The following RNF7 variants were observed in gnomAD, a reference collection of about 807,000 sequenced individuals.
The protein encoded by RNF7 is RING-box protein 2.
RNF7 carries 9 observed loss-of-function variants against 17.0 expected under a neutral mutation model. That is an observed-to-expected ratio of 0.53 (90% CI 0.32 to 0.92). The LOEUF (loss-of-function observed/expected upper bound fraction) is 0.92, where lower values mean the gene tolerates loss of function less well. Ranked by LOEUF, RNF7 falls within the 40% of genes least tolerant of loss-of-function variation. The pLI, the probability that RNF7 is intolerant of heterozygous loss-of-function variation, is 0.04. For missense variants in RNF7, 87 were observed against 145.8 expected (o/e 0.60, Z 2.08); for synonymous variants, 59 against 50.5 (o/e 1.17, Z -0.72).
intron 1 of RNF7, among the ~76,000 whole-genome samples, chr3:141,739,021 T>C (rs1306538155): frequency 6.6e-6 from 1 of 152,206 alleles, no homozygotes; most frequent in African/African-American, 2.4e-5. Context: ...ACGACACCCT[T>C]AGTTCTCCTC....
chr3:141,740,716 T>G (rs2084407407), intron 1 of RNF7, among the ~76,000 whole-genome samples: 1 of 152,210 alleles, frequency 6.6e-6, no homozygotes, highest in South Asian at 2.1e-4. Context: ...TTTTAGATTC[T>G]AGGAAGATCA....
Position 141,746,627 on chromosome 3 carries a change from ATTC to A in RNF7, c.*1355_*1357del, listed in dbSNP as rs1472813277. On this transcript the variant is annotated 3_prime_UTR_variant, in exon 3 of 3. Transcript: ENST00000273480. ...ATAATGGACCACAAGTTCATTTTGT[ATTC>A]TTCTGTAGTAGAGGCTACTGATATG... is the stretch of plus-strand genomic sequence containing the variant. The A allele has an allele frequency of 2.0e-5, 3 of 152,202 alleles. No individual in the cohort carries two copies. Among genetic ancestry groups the A allele is most frequent in the East Asian group, 3.8e-4 (2 of 5,202 alleles). 9.4% of individuals were successfully genotyped at this position (152,202 alleles called of 1,614,324 possible). A position where few individuals can be genotyped will look rare whatever the true frequency, so the allele number is the denominator to read the frequency against.
chr3:141,739,538 T>G (rs2084393211), intron 1 of RNF7, among the ~76,000 whole-genome samples: 1 of 152,182 alleles, frequency 6.6e-6, no homozygotes, highest in Admixed American at 6.5e-5. Flanking sequence ...TTGAGGGTAG[T>G]TAAAGAAAAC....
chr3:141,742,781 G>C, intron 1 of RNF7: 1 of 1,271,042 alleles, frequency 7.9e-7, no homozygotes, highest in Non-Finnish European at 1.0e-6. Flanking sequence ...GCCTTGTCTG[G>C]ATGACCATCG....
chr3:141,743,488 T>C, intron 1 of RNF7, 21 bp from the exon 2 acceptor site: 1 of 1,600,518 alleles, frequency 6.2e-7, no homozygotes, highest in Non-Finnish European at 8.5e-7. Context: ...AGAATGAGAA[T>C]CGCTATTTGT....
intron 2 of RNF7, 149 bp from the exon 3 acceptor site, chr3:141,745,010 C>T (rs2084457503): frequency 1.9e-6 from 1 of 515,864 alleles, no homozygotes; most frequent in Admixed American, 3.3e-5. Flanking sequence ...ATTTAAGTTT[C>T]TGTTTCTTTA....
At position 141,738,366 on chromosome 3, in the gene RNF7, G is replaced by A. The variant is rs1439688408; in HGVS notation, c.25G>A (p.Glu9Lys). The change falls in exon 1 of 3, where the codon GAA becomes AAA. Residue 9 changes from glutamate (E) to lysine (K), a missense_variant. By Grantham distance (56) the Glu-to-Lys change is moderately conservative. Coordinates refer to ENST00000273480, the MANE Select transcript of RNF7 (RefSeq NM_014245.5). MADVEDGE[E>K]TCALASHSGS... is the part of the protein sequence containing the mutation. Reference sequence around the variant, plus strand: ...CATGGCCGACGTGGAAGACGGAGAGGAAACCTGCGCCCTGGCCTCTCACTC... The same window carrying A: ...CATGGCCGACGTGGAAGACGGAGAGAAAACCTGCGCCCTGGCCTCTCACTC... 1 of 1,585,772 alleles carries A rather than the reference G, an allele frequency of 6.3e-7. No homozygotes were observed. Among genetic ancestry groups the A allele is most frequent in the Non-Finnish European group, 8.6e-7 (1 of 1,166,562 alleles).
At chr3:141,739,999 A>G (rs1474590154) in intron 1 of RNF7, among the ~76,000 whole-genome samples, 1 of 152,102 alleles carries the variant, frequency 6.6e-6, no homozygotes, top group Non-Finnish European at 1.5e-5. Context: ...CACTGCCACT[A>G]TACTCCAGCT....
At position 141,746,881 on chromosome 3, in the gene RNF7, G is replaced by GA. The variant is rs1399313861; in HGVS notation, c.*1610dup. The GA allele has an allele frequency of 3.3e-5, 5 of 152,142 alleles. No individual in the cohort carries two copies. Among genetic ancestry groups the GA allele is most frequent in the Non-Finnish European group, 7.4e-5 (5 of 68,024 alleles). 9.4% of individuals were successfully genotyped at this position (152,142 alleles called of 1,614,324 possible). On this transcript the variant is annotated 3_prime_UTR_variant, in exon 3 of 3. Transcript: ENST00000273480. The stretch of plus-strand genomic sequence containing the variant: ...TTTCACAGTTGTCTTTCTAGCTACT[G>GA]AAAAAATTATACAAATATCTTTGGC...
Position 141,745,317 on chromosome 3 carries a change from C to T in RNF7, c.*40C>T, listed in dbSNP as rs777869709. On this transcript the variant is annotated 3_prime_UTR_variant, in exon 3 of 3. Transcript: ENST00000273480. Reference sequence around the variant, plus strand: ...CTTCTTAGCGCAGTTGTTCAGAGCCCTGGTGGATCTTGTAATCCAGTGCCC... The same window carrying T: ...CTTCTTAGCGCAGTTGTTCAGAGCCTTGGTGGATCTTGTAATCCAGTGCCC... 8 of 1,356,260 alleles carry T rather than the reference C, an allele frequency of 5.9e-6. No homozygotes were observed. In the South Asian group the frequency reaches 9.4e-5, roughly 16 times the overall value. The allele number at this position is 1,356,260 out of a possible 1,614,324, so 84.0% of individuals were successfully genotyped here. A position where few individuals can be genotyped will look rare whatever the true frequency, so the allele number is the denominator to read the frequency against.
At position 141,747,357 on chromosome 3, in the gene RNF7, G is replaced by C. The variant is rs888791093; in HGVS notation, c.*2080G>C. 3.3e-5 allele frequency: 5 copies of C among 152,138 alleles called. No individual in the cohort carries two copies. The highest frequency in any genetic ancestry group is 1.2e-4 in the African/African-American group (5 of 41,422). 9.4% of individuals were successfully genotyped at this position (152,138 alleles called of 1,614,324 possible). On this transcript the variant is annotated 3_prime_UTR_variant, in exon 3 of 3. Transcript: ENST00000273480. ...TTCTTTCCATTTGATTAAATGTGCT[G>C]ATTTTATTTTACTGTTGCATTAGAA...
intron 1 of RNF7, among the ~76,000 whole-genome samples, chr3:141,742,287 C>T (rs1369627816): frequency 2.1e-5 from 3 of 144,514 alleles, no homozygotes; most frequent in African/African-American, 7.7e-5. Context: ...AGTGCAGTGG[C>T]GCTATCTCGG....
intron 2 of RNF7, among the ~76,000 whole-genome samples, chr3:141,744,122 A>G (rs1308898446): frequency 6.6e-6 from 1 of 152,184 alleles, no homozygotes. Context: ...CTAGATTGCT[A>G]TATAAACATG....
chr3:141,742,169 G>A (rs2107856494), intron 1 of RNF7, among the ~76,000 whole-genome samples: 1 of 146,876 alleles, frequency 6.8e-6, no homozygotes, highest in East Asian at 2.0e-4. Flanking sequence ...CCCAGTGTGT[G>A]TTGTTCCCTG....
Position 141,743,607 on chromosome 3 carries a change from G to A in RNF7, c.223+51G>A, listed in dbSNP as rs769843707. ...TTTTTCAACTGAAGGTTTTCTCTCA[G>A]TAGGGATGTTTGAATTTGAAATTAA... On this transcript the variant is annotated intron_variant, in intron 2 of 2. Transcript: ENST00000273480. 1.9e-5 allele frequency: 25 copies of A among 1,325,284 alleles called. No homozygotes were observed. The South Asian group carries it at 2.4e-4, about 13-fold the overall frequency. 82.1% of individuals were successfully genotyped at this position (1,325,284 alleles called of 1,614,324 possible).
rs2084477789 is a variant in RNF7 at position 141,746,734 on chromosome 3, G to T, written c.*1457G>T. On this transcript the variant is annotated 3_prime_UTR_variant, in exon 3 of 3. Transcript: ENST00000273480. ...GCCATTCTGAATTTTTCAATCTAAGGGATGTGGATACATAGAATGTTTAAA... is the reference window on the plus strand; with the variant it reads ...GCCATTCTGAATTTTTCAATCTAAGTGATGTGGATACATAGAATGTTTAAA... 1 of 151,984 alleles carries T rather than the reference G, an allele frequency of 6.6e-6. No homozygotes were observed. The highest frequency in any genetic ancestry group is 1.5e-5 in the Non-Finnish European group (1 of 67,986). The allele number at this position is 151,984 out of a possible 1,614,324, so 9.4% of individuals were successfully genotyped here.
rs2107860875 is a variant in RNF7, at chr3:141,746,488, C to T, written c.*1211C>T. 6.6e-6 allele frequency: 1 copy of T among 152,254 alleles called. No individual in the cohort carries two copies. Among genetic ancestry groups the T allele is most frequent in the African/African-American group, 2.4e-5 (1 of 41,538 alleles). 9.4% of individuals were successfully genotyped at this position (152,254 alleles called of 1,614,324 possible). On this transcript the variant is annotated 3_prime_UTR_variant, in exon 3 of 3. Coordinates refer to ENST00000273480, the MANE Select transcript of RNF7 (RefSeq NM_014245.5). ...ATTTGAAAGAATTCATATTCATTTGCTCTTTCATTTGACAATAATAAAATT... is the reference window on the plus strand; with the variant it reads ...ATTTGAAAGAATTCATATTCATTTGTTCTTTCATTTGACAATAATAAAATT...
At chr3:141,741,119 T>A (rs562543555) in intron 1 of RNF7, among the ~76,000 whole-genome samples, 2 of 152,344 alleles carry the variant, frequency 1.3e-5, no homozygotes, top group South Asian at 4.1e-4. Context: ...CACATAACTT[T>A]TTGGAGCCTT....
intron 1 of RNF7, chr3:141,742,816 A>G (rs970304668): frequency 8.3e-6 from 10 of 1,199,850 alleles, no homozygotes; most frequent in Non-Finnish European, 1.1e-5. Context: ...GAAGCATACA[A>G]AGCAGTTTAT....
Sources: gnomAD v4.1 joint callset for allele counts (sites outside exome capture counted in the v4.1 genomes callset) on GRCh38, gnomAD v4.1.1 for gene constraint, MANE v1.5 for transcripts, NCBI Gene and HGNC (gene_info 2026-07-23, HGNC 2026-07-21) for gene names.